MGA: variants seen among roughly 807,000 people sequenced by gnomAD.
MGA encodes the protein MAX dimerization protein MGA.
A neutral mutation model predicts 261.1 loss-of-function variants in MGA; 40 were observed. The ratio of observed to expected loss-of-function variants is 0.15; its 90% confidence interval spans 0.12 to 0.20. The LOEUF is 0.20. Ranked by LOEUF, MGA falls within the 10% of genes least tolerant of loss-of-function variation. The pLI, the probability that MGA is intolerant of heterozygous loss-of-function variation, is 1.00. For synonymous variants in MGA, 1,302 were observed against 1,290.6 expected (o/e 1.01, Z -0.19); for missense variants, 3,397 against 3,630.5 (o/e 0.94, Z 1.65).
intron 5 of MGA, among the ~76,000 whole-genome samples, chr15:41,707,242 C>A (rs2060168973): frequency 6.6e-6 from 1 of 152,190 alleles, no homozygotes; most frequent in African/African-American, 2.4e-5. Flanking sequence ...GCAGTCTGGG[C>A]ATAGCTTAGT....
intron 11 of MGA, among the ~76,000 whole-genome samples, chr15:41,731,869 G>T (rs1021930963): frequency 2.6e-5 from 4 of 152,188 alleles, no homozygotes; most frequent in Non-Finnish European, 5.9e-5. Flanking sequence ...AGGGTTTCTT[G>T]TCTTACTGCC....
At chr15:41,670,875 A>C (rs1037198876) in intron 2 of MGA, among the ~76,000 whole-genome samples, 1 of 152,156 alleles carries the variant, frequency 6.6e-6, no homozygotes, top group Non-Finnish European at 1.5e-5. Flanking sequence ...ATGGATTAGG[A>C]TATCCCTCAG....
rs945846787 is a variant in MGA, at chr15:41,639,100, G to T, written c.-68+17802G>T. ...TCACATCTCAGCCCTTTCAGCATGAGAATTTGTCCTTCTCTTCCTGGTTGG... is the reference window on the plus strand; with the variant it reads ...TCACATCTCAGCCCTTTCAGCATGATAATTTGTCCTTCTCTTCCTGGTTGG... On this transcript the variant is annotated intron_variant, in intron 1 of 8. Coordinates refer to the MGA transcript ENST00000566718. 4.6e-5 allele frequency among the ~76,000 whole-genome samples: 7 copies of T among 152,156 alleles called. No individual in the cohort carries two copies. In the East Asian group the frequency reaches 5.8e-4, roughly 13 times the overall value.
intron 3 of MGA, among the ~76,000 whole-genome samples, chr15:41,697,361 A>G (rs2059594056): frequency 6.6e-6 from 1 of 151,944 alleles, no homozygotes; most frequent in Non-Finnish European, 1.5e-5. Context: ...AATATTTACT[A>G]ACTCTTTGGT....
intron 1 of MGA, among the ~76,000 whole-genome samples, chr15:41,652,288 T>G (rs2150726826): frequency 6.8e-6 from 1 of 146,992 alleles, no homozygotes; most frequent in Middle Eastern, 3.6e-3. Context: ...TTTCCCCTCT[T>G]ATTTCCTCCC....
At chr15:41,762,460 G>GTTTTTTTTTTTTTTTTTTTTTTTTT (rs1491528643) in intron 22 of MGA, 98 bp downstream of exon 22, 1 of 190,266 alleles carries the variant, frequency 5.3e-6, no homozygotes, top group African/African-American at 4.2e-5. Flanking sequence ...AGTTTTGTGT[G>GTTTTTTTTTTTTTTTTTTTTTTTTT]GTTTTTTTTT....
intron 2 of MGA, among the ~76,000 whole-genome samples, chr15:41,672,675 G>A (rs2077361): frequency 0.15 from 23,126 of 152,096 alleles, 2,649 homozygotes; most frequent in East Asian, 0.68. Context: ...TGCTTGATAC[G>A]GGAGCAGAAA....
At position 41,742,468 on chromosome 15, in the gene MGA, A is replaced by G; in HGVS notation, c.4586-78A>G. The G allele has an allele frequency of 3.9e-6, 6 of 1,520,680 alleles. No homozygotes were observed. The Admixed American group carries it at 7.5e-5, about 19-fold the overall frequency. The allele number at this position is 1,520,680 out of a possible 1,614,324, so 94.2% of individuals were successfully genotyped here. A position where few individuals can be genotyped will look rare whatever the true frequency, so the allele number is the denominator to read the frequency against. The stretch of plus-strand genomic sequence containing the variant: ...AGAAATTGACCCAGTAGTGCACAGT[A>G]AATGTCGGTAAGCACAGTCACTAAG... On this transcript the variant is annotated intron_variant, in intron 14 of 23. Coordinates refer to ENST00000219905, the MANE Select transcript of MGA (RefSeq NM_001164273.2).
intron 1 of MGA, among the ~76,000 whole-genome samples, chr15:41,630,664 A>G (rs1179143605): frequency 6.6e-6 from 1 of 152,216 alleles, no homozygotes; most frequent in African/African-American, 2.4e-5. Context: ...TTTATTCTCT[A>G]GGGCTGAATA....
chr15:41,669,670 G>A lies in MGA; in HGVS notation c.776G>A (p.Arg259Gln). ...TACAATCCATTTGCCAAAGGCTTTC[G>A]GGATGATGGGCTGAATAATAAGCCC... is the stretch of plus-strand genomic sequence containing the variant. Residue 259 changes from arginine (R) to glutamine (Q), a missense_variant, in exon 2 of 24, where the codon CGG becomes CAG. Physicochemically the swap from Arg to Gln is conservative, Grantham distance 43. Transcript: ENST00000219905. The A allele has an allele frequency of 1.9e-6, 3 of 1,613,568 alleles. No homozygotes were observed. The highest frequency in any genetic ancestry group is 2.2e-5 in the East Asian group (1 of 44,872).
chr15:41,695,288 A>T (rs1297901115), intron 2 of MGA, among the ~76,000 whole-genome samples: 1 of 151,786 alleles, frequency 6.6e-6, no homozygotes, highest in Non-Finnish European at 1.5e-5. Flanking sequence ...TCCCGGGTTC[A>T]AGCGATTATT....
At chr15:41,684,636 C>A in intron 2 of MGA, 1 of 200,764 alleles carries the variant, frequency 5.0e-6, no homozygotes, top group Non-Finnish European at 1.0e-5. Flanking sequence ...CCAGCTACTG[C>A]GAACAAATGC....
At chr15:41,666,182 A>C (rs547330932) in intron 1 of MGA, among the ~76,000 whole-genome samples, 12 of 151,922 alleles carry the variant, frequency 7.9e-5, no homozygotes, top group Admixed American at 7.9e-4. Context: ...GGTGTGAGCC[A>C]CTGCACCTGC....
chr15:41,642,954 C>T (rs1383535792), intron 1 of MGA, among the ~76,000 whole-genome samples: 1 of 145,114 alleles, frequency 6.9e-6, no homozygotes, highest in East Asian at 2.1e-4. Context: ...TGCTCTGTTG[C>T]CCAGGCTGCA....
chr15:41,707,900 T>C (rs746263627), intron 6 of MGA, 41 bp downstream of exon 6: 1 of 1,589,720 alleles, frequency 6.3e-7, no homozygotes, highest in Non-Finnish European at 8.5e-7. Context: ...CTATTTTTCT[T>C]GAAGTTTACG....
intron 9 of MGA, among the ~76,000 whole-genome samples, chr15:41,723,849 A>G (rs546720620): frequency 1.3e-5 from 2 of 152,172 alleles, no homozygotes; most frequent in South Asian, 2.1e-4. Context: ...ATTTTTTCCC[A>G]TTCTGGTGAC....
chr15:41,766,291 C>G lies in MGA; in HGVS notation c.8209C>G (p.Gln2737Glu). 6.2e-7 allele frequency: 1 copy of G among 1,613,880 alleles called. No individual in the cohort carries two copies. The highest frequency in any genetic ancestry group is 8.5e-7 in the Non-Finnish European group (1 of 1,179,864). The change falls in exon 24 of 24, where the codon CAG becomes GAG. Residue 2737 changes from glutamine (Q) to glutamate (E), a missense_variant. By Grantham distance (29) the Gln-to-Glu change is conservative. Transcript: ENST00000219905. ...ACAAATAGTTGACGTTTCCAATATGCAGAAAGCACAAGAGTTCTTACCTAA... is the reference window on the plus strand; with the variant it reads ...ACAAATAGTTGACGTTTCCAATATGGAGAAAGCACAAGAGTTCTTACCTAA...
chr15:41,754,717 G>A (rs1387647977), intron 18 of MGA, 150 bp downstream of exon 18: 4 of 892,772 alleles, frequency 4.5e-6, no homozygotes, highest in Admixed American at 7.5e-5. Flanking sequence ...AGAGGAACTA[G>A]AATTTGGGTA....
intron 15 of MGA, among the ~76,000 whole-genome samples, chr15:41,747,507 A>C (rs2062573607): frequency 6.6e-6 from 1 of 151,162 alleles, no homozygotes; most frequent in Non-Finnish European, 1.5e-5. Context: ...AGGCAGGAGG[A>C]TTGCTTGAGC....
Sources: allele counts gnomAD v4.1 joint callset (sites outside exome capture counted in the v4.1 genomes callset), GRCh38; gene constraint gnomAD v4.1.1; transcripts MANE v1.5; gene names NCBI Gene and HGNC (gene_info 2026-07-23, HGNC 2026-07-21).